TRIM44: variants seen among roughly 807,000 people sequenced by gnomAD.
The protein encoded by TRIM44 is tripartite motif-containing protein 44.
Under a neutral mutation model 37.4 loss-of-function variants are expected in TRIM44, and 13 were observed. The observed-to-expected ratio is 0.35, with a 90% CI of 0.23 to 0.55. The LOEUF (loss-of-function observed/expected upper bound fraction) is 0.55. Ranked by LOEUF, TRIM44 falls within the 20% of genes least tolerant of loss-of-function variation. The pLI is 0.89. For missense variants in TRIM44, 426 were observed against 437.2 expected (o/e 0.97, Z 0.23); for synonymous variants, 175 against 157.2 (o/e 1.11, Z -0.85).
At chr11:35,686,565 T>C (rs1195649103) in intron 2 of TRIM44, among the ~76,000 whole-genome samples, 6 of 152,216 alleles carry the variant, frequency 3.9e-5, no homozygotes, top group Admixed American at 3.9e-4. Flanking sequence ...TTTTTGTTTT[T>C]TGTTTTTTTG....
rs773095590 is a variant in TRIM44, at chr11:35,773,047, T to C, written c.1008-33311T>C. Among the ~76,000 whole-genome samples, 7 of 152,294 alleles carry C rather than the reference T, an allele frequency of 4.6e-5. No individual in the cohort carries two copies. The South Asian group carries it at 6.2e-4, about 14-fold the overall frequency. On this transcript the variant is annotated intron_variant, in intron 4 of 4. Transcript: ENST00000299413. ...GGAGGTGGTTTCCCCCATGCTATTC[T>C]CATGGTCGTGAATAAGGCTCACAAG...
chr11:35,724,976 T>A (rs990861163), intron 2 of TRIM44, among the ~76,000 whole-genome samples: 5 of 152,156 alleles, frequency 3.3e-5, no homozygotes, highest in Non-Finnish European at 7.4e-5. Flanking sequence ...CAAGGATGTT[T>A]ATTGCTGTGT....
chr11:35,671,852 G>T (rs1027895016), intron 1 of TRIM44, among the ~76,000 whole-genome samples: 1 of 152,182 alleles, frequency 6.6e-6, no homozygotes, highest in Non-Finnish European at 1.5e-5. Flanking sequence ...GATTTTGTGG[G>T]TCGAAGTTTG....
chr11:35,789,478 T>C (rs780886306), intron 4 of TRIM44, among the ~76,000 whole-genome samples: 6 of 114,954 alleles, frequency 5.2e-5, no homozygotes, highest in African/African-American at 1.0e-4. Context: ...ATTAAGCACC[T>C]GGGAATCATT....
At chr11:35,773,137 G>C (rs116263699) in intron 4 of TRIM44, among the ~76,000 whole-genome samples, 2 of 152,090 alleles carry the variant, frequency 1.3e-5, no homozygotes, top group Non-Finnish European at 1.5e-5. Flanking sequence ...CTACCACCAT[G>C]TAAGAAGTGC....
chr11:35,668,262 A>G (rs1189320226), intron 1 of TRIM44, among the ~76,000 whole-genome samples: 2 of 152,194 alleles, frequency 1.3e-5, no homozygotes, highest in Non-Finnish European at 1.5e-5. Context: ...GGTTTGTTAC[A>G]TAGGTAAACA....
At chr11:35,692,920 C>G (rs941260710) in intron 2 of TRIM44, among the ~76,000 whole-genome samples, 1 of 148,460 alleles carries the variant, frequency 6.7e-6, no homozygotes, top group African/African-American at 2.5e-5. Context: ...AAGATTCCGT[C>G]TCAAAAAAAA....
chr11:35,754,051 AAAAAAAAG>A (rs1175228015), intron 4 of TRIM44, among the ~76,000 whole-genome samples: 1 of 136,372 alleles, frequency 7.3e-6, no homozygotes, highest in East Asian at 1.9e-4. Context: ...CAAATTTAAA[AAAAAAAAG>A]AAAAAAAGAA....
rs1851562863 is a variant in TRIM44 at position 35,685,341 on chromosome 11, G to A, written c.747+5G>A. On this transcript the variant is annotated splice_donor_5th_base_variant and intron_variant, in intron 2 of 4. Transcript: ENST00000299413. ...TTCAAGAGCTCAGACCCTAAAGTAA[G>A]TATTGTTTGGAATTGATTGGGTGTT... The A allele has an allele frequency of 6.2e-7, 1 of 1,613,668 alleles. No individual in the cohort carries two copies. Among genetic ancestry groups the A allele is most frequent in the Admixed American group, 1.7e-5 (1 of 59,984 alleles).
chr11:35,777,267 A>G (rs1452925208), intron 4 of TRIM44, among the ~76,000 whole-genome samples: 5 of 152,314 alleles, frequency 3.3e-5, no homozygotes, highest in African/African-American at 1.2e-4. Context: ...ATCAGAGACT[A>G]GGATTGCAAC....
At position 35,722,137 on chromosome 11, in the gene TRIM44, C is replaced by T. The variant is rs141999515; in HGVS notation, c.748-3787C>T. Among the ~76,000 whole-genome samples, 281 of 152,284 alleles carry T rather than the reference C, an allele frequency of 1.8e-3. 2 individuals carry two copies. The highest frequency in any genetic ancestry group is 6.5e-3 in the African/African-American group (270 of 41,560). ...TGTAGCATCTGAAAAAGTTCCATTT[C>T]CTGCTTTTTTGTTTTTCTGTTTTAG... On this transcript the variant is annotated intron_variant, in intron 2 of 4. Coordinates refer to ENST00000299413, the MANE Select transcript of TRIM44 (RefSeq NM_017583.6).
At chr11:35,718,987 A>G (rs1012633110) in intron 2 of TRIM44, among the ~76,000 whole-genome samples, 2 of 152,066 alleles carry the variant, frequency 1.3e-5, no homozygotes, top group African/African-American at 2.4e-5. Context: ...TTACCTACCA[A>G]AGAACATCTT....
chr11:35,727,879 C>T (rs1471440836), intron 3 of TRIM44, among the ~76,000 whole-genome samples: 1 of 152,166 alleles, frequency 6.6e-6, no homozygotes, highest in African/African-American at 2.4e-5. Flanking sequence ...CATACCTTTA[C>T]AATGTCAAGA....
chr11:35,763,652 A>G (rs1378613148), intron 4 of TRIM44, among the ~76,000 whole-genome samples: 1 of 152,186 alleles, frequency 6.6e-6, no homozygotes, highest in Non-Finnish European at 1.5e-5. Context: ...ACCACACACT[A>G]CTGGGAGTGG....
At chr11:35,753,183 G>A (rs1166984583) in intron 4 of TRIM44, among the ~76,000 whole-genome samples, 1 of 152,088 alleles carries the variant, frequency 6.6e-6, no homozygotes, top group Non-Finnish European at 1.5e-5. Context: ...TACAAAATGG[G>A]GATAATAAGG....
In TRIM44 at chr11:35,807,346, G is replaced by A. The variant is rs1853465396; in HGVS notation, c.*961G>A. On this transcript the variant is annotated 3_prime_UTR_variant, in exon 5 of 5. Transcript: ENST00000299413. ...GAATTGTTCCCATTCCATGTGTTCT[G>A]AATTCAGCTCATCTCCCAGCATATA... is the stretch of plus-strand genomic sequence containing the variant. 2 of 152,090 alleles carry A rather than the reference G, an allele frequency of 1.3e-5. No individual in the cohort carries two copies. The highest frequency in any genetic ancestry group is 4.2e-4 in the South Asian group (2 of 4,810). 9.4% of individuals were successfully genotyped at this position (152,090 alleles called of 1,614,324 possible).
intron 4 of TRIM44, among the ~76,000 whole-genome samples, chr11:35,742,535 AATTAT>A (rs1852416557): frequency 7.7e-6 from 1 of 130,268 alleles, no homozygotes; most frequent in Non-Finnish European, 1.5e-5. Flanking sequence ...TATTATATAT[AATTAT>A]ATTAATTATA....
chr11:35,713,150 T>C (rs1851999710), intron 2 of TRIM44, among the ~76,000 whole-genome samples: 2 of 152,212 alleles, frequency 1.3e-5, no homozygotes, highest in African/African-American at 2.4e-5. Flanking sequence ...ATCAGGTCTT[T>C]ACACCTACGA....
intron 4 of TRIM44, among the ~76,000 whole-genome samples, chr11:35,784,744 A>G (rs1853108086): frequency 6.6e-6 from 1 of 152,362 alleles, no homozygotes; most frequent in South Asian, 2.1e-4. Context: ...GGGAGAAGCA[A>G]AATTTCTCTC....
Sources: allele counts gnomAD v4.1 joint callset (sites outside exome capture counted in the v4.1 genomes callset), GRCh38; gene constraint gnomAD v4.1.1; transcripts MANE v1.5; gene names NCBI Gene and HGNC (gene_info 2026-07-23, HGNC 2026-07-21).